Variants in TRAF2 observed in about 807,000 individuals in gnomAD.
The protein encoded by TRAF2 is TNF receptor-associated factor 2.
Under a neutral mutation model 55.6 loss-of-function variants are expected in TRAF2, and 6 were observed. The ratio of observed to expected loss-of-function variants is 0.11; its 90% CI spans 0.06 to 0.21. TRAF2 has a LOEUF of 0.21. Among genes scored for constraint, TRAF2 ranks in the 10% least tolerant of loss-of-function variants. The pLI is 1.00. For synonymous variants in TRAF2, 329 were observed against 276.3 expected (o/e 1.19, Z -1.89); for missense variants, 561 against 684.5 (o/e 0.82, Z 2.01).
intron 1 of TRAF2, among the ~76,000 whole-genome samples, chr9:136,892,675 T>C (rs1034349945): frequency 6.6e-6 from 1 of 151,784 alleles, no homozygotes; most frequent in Non-Finnish European, 1.5e-5. Flanking sequence ...AGGTCAGGAG[T>C]TCGAGACCAG....
At position 136,925,821 on chromosome 9, in the gene TRAF2, T is replaced by G; in HGVS notation, c.1426T>G (p.Ser476Ala). Residue 476 changes from serine to alanine, a missense_variant, in exon 11 of 11, where the codon TCC becomes GCC. By Grantham distance (99) the Ser-to-Ala change is moderately conservative (BLOSUM62 1). Transcript: ENST00000247668. ...CGGCTGCCCCCTCTTCTGCCCCGTC[T>G]CCAAGATGGAGGCAAAGAATTCCTA... is the stretch of plus-strand genomic sequence containing the variant. ...ASGCPLFCPV[S>A]KMEAKNSYVR... 1 of 1,614,228 alleles carries G rather than the reference T, an allele frequency of 6.2e-7. No individual in the cohort carries two copies. Among genetic ancestry groups the G allele is most frequent in the Non-Finnish European group, 8.5e-7 (1 of 1,180,044 alleles).
chr9:136,893,500 T>C (rs1030208609), intron 1 of TRAF2, among the ~76,000 whole-genome samples: 3 of 152,230 alleles, frequency 2.0e-5, no homozygotes, highest in Admixed American at 6.5e-5. Flanking sequence ...TCCCCAGTCC[T>C]GTATGCGGCG....
In TRAF2 at chr9:136,898,813, G is replaced by C; in HGVS notation, c.73G>C (p.Gly25Arg). 5 of 1,613,758 alleles carry C rather than the reference G, an allele frequency of 3.1e-6. No homozygotes were observed. Among genetic ancestry groups the C allele is most frequent in the South Asian group, 1.1e-5 (1 of 91,086 alleles). The change falls in exon 2 of 11, where the codon GGG becomes CGG. Residue 25 changes from glycine (G) to arginine (R), a missense_variant. Gly to Arg is a moderately radical substitution (Grantham distance 125, BLOSUM62 -2). Coordinates refer to ENST00000247668, the MANE Select transcript of TRAF2 (RefSeq NM_021138.4). ...GCCCGGCTTCTCCAAGACCCTCCTGGGGACCAAGCTGGAAGCCAAGTACCT... is the reference window on the plus strand; with the variant it reads ...GCCCGGCTTCTCCAAGACCCTCCTGCGGACCAAGCTGGAAGCCAAGTACCT... ...LQPGFSKTLLGTKLEAKYLCS... is the reference protein window; with the variant it reads ...LQPGFSKTLLRTKLEAKYLCS...
At chr9:136,895,626 T>G (rs1444769975) in intron 1 of TRAF2, among the ~76,000 whole-genome samples, 1 of 152,158 alleles carries the variant, frequency 6.6e-6, no homozygotes, top group East Asian at 1.9e-4. Flanking sequence ...AGGGCAAGGT[T>G]GGATCACATG....
chr9:136,906,481 TACTATC>T (rs1164729083), intron 4 of TRAF2, among the ~76,000 whole-genome samples: 1 of 152,110 alleles, frequency 6.6e-6, no homozygotes, highest in East Asian at 1.9e-4. Context: ...CCATGAGACT[TACTATC>T]ACGAGAGCAG....
chr9:136,882,768 G>C, upstream of TRAF2: 1 of 985,528 alleles, frequency 1.0e-6, no homozygotes, highest in Non-Finnish European at 1.2e-6. Context: ...AGGTGTCACA[G>C]CTTCCAAGCT....
At chr9:136,886,459 C>CGCGGCGGAGCGGCGGCGGCG (rs1341332871), upstream of TRAF2, 1 of 1,005,646 alleles carries the variant, frequency 9.9e-7, no homozygotes, top group East Asian at 1.1e-4. Context: ...GTCAGGCGCA[C>CGCGGCGGAGCGGCGGCGGCG]GCGGCGGAGC....
rs191180441 is a variant in TRAF2 at position 136,894,435 on chromosome 9, C to T, written c.-28-4278C>T. 9.8e-4 allele frequency among the ~76,000 whole-genome samples: 149 copies of T among 152,182 alleles called. 1 individual carries two copies. The highest frequency in any genetic ancestry group is 3.4e-3 in the African/African-American group (140 of 41,504). ...TTACATGGGAGTTGGAGGCAAGTCT[C>T]GGAAGGCTGCTGGGCCTTGTCCTGG... On this transcript the variant is annotated intron_variant, in intron 1 of 10. Transcript: ENST00000247668.
At chr9:136,890,050 G>A (rs932483729) in intron 1 of TRAF2, among the ~76,000 whole-genome samples, 6 of 129,226 alleles carry the variant, frequency 4.6e-5, no homozygotes, top group Admixed American at 1.7e-4. Context: ...CCCCCCGCAC[G>A]CTCGTTCAGC....
At chr9:136,902,497 C>T (rs1490721646) in intron 4 of TRAF2, 1 of 152,276 alleles carries the variant, frequency 6.6e-6, no homozygotes, top group African/African-American at 2.4e-5. Context: ...ATGAGGGCCT[C>T]CGGCTGAGGG....
upstream of TRAF2, among the ~76,000 whole-genome samples, chr9:136,882,327 G>A (rs187609876): frequency 2.6e-5 from 4 of 152,318 alleles, no homozygotes; most frequent in South Asian, 4.1e-4. Flanking sequence ...GTGGCATGGC[G>A]GCCCCTCACC....
intron 1 of TRAF2, chr9:136,889,801 G>T (rs1431708875): frequency 6.6e-6 from 1 of 151,012 alleles, no homozygotes; most frequent in Non-Finnish European, 1.5e-5. Context: ...TATTCAGTCG[G>T]TCACCACTTG....
chr9:136,900,559 A>C (rs1319707638), intron 4 of TRAF2, 39 bp downstream of exon 4: 2 of 1,561,264 alleles, frequency 1.3e-6, no homozygotes, highest in African/African-American at 2.7e-5. Flanking sequence ...CAGAAGCTCC[A>C]GCAGTCGGGA....
At chr9:136,925,125 G>A (rs1326749187) in intron 10 of TRAF2, among the ~76,000 whole-genome samples, 1 of 152,228 alleles carries the variant, frequency 6.6e-6, no homozygotes, top group African/African-American at 2.4e-5. Flanking sequence ...TTTTGCCACA[G>A]TTGGCCCAGA....
chr9:136,898,205 C>A (rs1195327066), intron 1 of TRAF2, among the ~76,000 whole-genome samples: 2 of 152,228 alleles, frequency 1.3e-5, no homozygotes, highest in African/African-American at 4.8e-5. Context: ...GCATGGCTCT[C>A]TCCTGAGTGC....
At chr9:136,886,266 A>T (rs1431870615), upstream of TRAF2, 3 of 401,136 alleles carry the variant, frequency 7.5e-6, no homozygotes, top group Non-Finnish European at 1.0e-5. Context: ...AGGAAAAAGC[A>T]GAGGGCGACT....
At chr9:136,919,288 T>C (rs1850323955) in intron 7 of TRAF2, among the ~76,000 whole-genome samples, 1 of 125,912 alleles carries the variant, frequency 7.9e-6, no homozygotes, top group Non-Finnish European at 1.6e-5. Flanking sequence ...CTGGAACTTG[T>C]GGGTGGCTTT....
At chr9:136,923,081 G>T (rs1850434739) in intron 9 of TRAF2, among the ~76,000 whole-genome samples, 1 of 152,150 alleles carries the variant, frequency 6.6e-6, no homozygotes, top group Non-Finnish European at 1.5e-5. Context: ...GCCGGGTTCT[G>T]GCTGTCACTC....
chr9:136,925,855 A>G lies in TRAF2; in HGVS notation c.1460A>G (p.Asp487Gly). 2 of 1,614,190 alleles carry G rather than the reference A, an allele frequency of 1.2e-6. No individual in the cohort carries two copies. Among genetic ancestry groups the G allele is most frequent in the South Asian group, 1.1e-5 (1 of 91,080 alleles). Reference protein sequence around the residue: ...KMEAKNSYVRDDAIFIKAIVD... With the variant: ...KMEAKNSYVRGDAIFIKAIVD... ...GAGGCAAAGAATTCCTACGTGCGGG[A>G]CGATGCCATCTTCATCAAGGCCATT... is the stretch of plus-strand genomic sequence containing the variant. The change falls in exon 11 of 11, where the codon GAC becomes GGC. Residue 487 changes from aspartate (D) to glycine (G), a missense_variant. Asp to Gly is a moderately conservative substitution (Grantham distance 94). Coordinates refer to ENST00000247668, the MANE Select transcript of TRAF2 (RefSeq NM_021138.4).
Sources: allele counts gnomAD v4.1 joint callset (sites outside exome capture counted in the v4.1 genomes callset), GRCh38; gene constraint gnomAD v4.1.1; transcripts MANE v1.5; gene names NCBI Gene and HGNC (gene_info 2026-07-23, HGNC 2026-07-21).